Variants in L3MBTL4 observed in about 807,000 individuals in gnomAD.
L3MBTL4 encodes the protein lethal(3)malignant brain tumor-like protein 4.
A neutral mutation model predicts 84.5 loss-of-function variants in L3MBTL4; 70 were observed. That is an observed-to-expected ratio of 0.83 (90% CI 0.68 to 1.01). L3MBTL4 has a LOEUF of 1.01. Among genes scored for constraint, L3MBTL4 ranks in the 50% least tolerant of loss-of-function variants. L3MBTL4 has a pLI of 0.00. For missense variants in L3MBTL4, 715 were observed against 754.8 expected (o/e 0.95, Z 0.62); for synonymous variants, 274 against 259.8 (o/e 1.05, Z -0.52).
At chr18:6,398,604 T>C (rs2055374921) in intron 1 of L3MBTL4, among the ~76,000 whole-genome samples, 2 of 152,162 alleles carry the variant, frequency 1.3e-5, no homozygotes, top group Admixed American at 1.3e-4. Flanking sequence ...CTTCTTGTTT[T>C]GGTAAAGCAT....
chr18:6,042,448 A>G (rs2056447016), intron 16 of L3MBTL4, among the ~76,000 whole-genome samples: 1 of 152,036 alleles, frequency 6.6e-6, no homozygotes, highest in South Asian at 2.1e-4. Flanking sequence ...TGAACTTCTC[A>G]GCCACTTCCA....
intron 1 of L3MBTL4, among the ~76,000 whole-genome samples, chr18:6,339,816 C>T (rs1223785338): frequency 2.0e-5 from 3 of 152,026 alleles, no homozygotes; most frequent in East Asian, 3.9e-4. Context: ...CAACTTCTCA[C>T]TAATCTGAAA....
chr18:5,970,152 C>T (rs1368058846), intron 16 of L3MBTL4, among the ~76,000 whole-genome samples: 1 of 152,228 alleles, frequency 6.6e-6, no homozygotes, highest in African/African-American at 2.4e-5. Flanking sequence ...CGCACCATGA[C>T]CTCACCTGGG....
At chr18:6,121,008 G>C (rs965647969) in intron 14 of L3MBTL4, among the ~76,000 whole-genome samples, 1 of 152,064 alleles carries the variant, frequency 6.6e-6, no homozygotes, top group African/African-American at 2.4e-5. Context: ...ATTTCTTGAA[G>C]TTATTTTTGG....
At chr18:6,274,361 C>A (rs1316304895) in intron 4 of L3MBTL4, among the ~76,000 whole-genome samples, 1 of 152,172 alleles carries the variant, frequency 6.6e-6, no homozygotes, top group African/African-American at 2.4e-5. Context: ...CTATGAGGGC[C>A]AGTTTCCAGT....
At chr18:6,063,297 ATC>A (rs1234966175) in intron 16 of L3MBTL4, among the ~76,000 whole-genome samples, 1 of 117,646 alleles carries the variant, frequency 8.5e-6, no homozygotes, top group Non-Finnish European at 1.7e-5. Flanking sequence ...TACTATAAAT[ATC>A]TGTGTGTGTG....
intron 17 of L3MBTL4, among the ~76,000 whole-genome samples, chr18:5,962,942 T>C (rs1367358308): frequency 6.6e-6 from 1 of 152,132 alleles, no homozygotes; most frequent in African/African-American, 2.4e-5. Flanking sequence ...AGTAGGAAAG[T>C]CCCCTTCTGA....
At chr18:6,011,907 A>G (rs2054756317) in intron 16 of L3MBTL4, among the ~76,000 whole-genome samples, 1 of 152,264 alleles carries the variant, frequency 6.6e-6, no homozygotes, top group South Asian at 2.1e-4. Flanking sequence ...AGGAAAAGTC[A>G]TCACTGTTTA....
At chr18:6,040,337 G>A (rs574598743) in intron 16 of L3MBTL4, among the ~76,000 whole-genome samples, 2 of 152,302 alleles carry the variant, frequency 1.3e-5, no homozygotes, top group Admixed American at 1.3e-4. Context: ...GTCACATCTT[G>A]GGGTGGGAGG....
chr18:6,184,847 G>A (rs940088349), intron 12 of L3MBTL4, among the ~76,000 whole-genome samples: 5 of 152,182 alleles, frequency 3.3e-5, no homozygotes, highest in Non-Finnish European at 5.9e-5. Flanking sequence ...CATGTTTAGA[G>A]TCTCAAGGAT....
At chr18:6,270,076 T>C (rs1041810067) in intron 4 of L3MBTL4, among the ~76,000 whole-genome samples, 1 of 152,220 alleles carries the variant, frequency 6.6e-6, no homozygotes, top group Non-Finnish European at 1.5e-5. Context: ...TGCCTTAGAA[T>C]ATGTGAGAAA....
Position 6,272,858 on chromosome 18 carries a change from T to C in L3MBTL4, c.128-8820A>G, listed in dbSNP as rs879848530. Among the ~76,000 whole-genome samples, 26 of 109,320 alleles carry C rather than the reference T, an allele frequency of 2.4e-4. No individual in the cohort carries two copies. The South Asian group carries it at 3.2e-3, about 13-fold the overall frequency. The allele number at this position is 109,320 out of a possible 152,430, so 71.7% of individuals were successfully genotyped here. A position where few individuals can be genotyped will look rare whatever the true frequency, so the allele number is the denominator to read the frequency against. The stretch of plus-strand genomic sequence containing the variant: ...CTACAGAGTGGTGCCTTCAGGAGCA[T>C]GGGGAAAGGGGGAGTTGTGCAGATT... On this transcript the variant is annotated intron_variant, in intron 4 of 18. Transcript: ENST00000317931.
At chr18:6,114,943 C>A (rs781588573) in intron 14 of L3MBTL4, among the ~76,000 whole-genome samples, 16 of 152,060 alleles carry the variant, frequency 1.1e-4, no homozygotes, top group African/African-American at 3.9e-4. Context: ...GGTCACACAG[C>A]GGAGAGGAGA....
chr18:6,327,899 C>A (rs1348631002), intron 1 of L3MBTL4, among the ~76,000 whole-genome samples: 1 of 152,194 alleles, frequency 6.6e-6, no homozygotes, highest in African/African-American at 2.4e-5. Context: ...CCCTGAATAT[C>A]ATCATCAAGT....
At chr18:6,268,787 A>C (rs2048742102) in intron 4 of L3MBTL4, among the ~76,000 whole-genome samples, 11 of 152,244 alleles carry the variant, frequency 7.2e-5, no homozygotes, top group Admixed American at 7.2e-4. Context: ...TAATATATAC[A>C]TATGTATACC....
At chr18:6,283,223 T>A (rs1185851384) in intron 4 of L3MBTL4, among the ~76,000 whole-genome samples, 1 of 152,222 alleles carries the variant, frequency 6.6e-6, no homozygotes, top group Non-Finnish European at 1.5e-5. Context: ...TTTCCCATGC[T>A]CTTCACTTTC....
intron 12 of L3MBTL4, among the ~76,000 whole-genome samples, chr18:6,177,049 AT>A (rs2044255271): frequency 6.6e-6 from 1 of 152,226 alleles, no homozygotes; most frequent in Non-Finnish European, 1.5e-5. Flanking sequence ...GGGGTGTAAA[AT>A]TGCACAACCA....
In L3MBTL4 at chr18:6,254,160, C is replaced by T. The variant is rs77030819; in HGVS notation, c.220-9572G>A. Among the ~76,000 whole-genome samples, 3 of 152,164 alleles carry T rather than the reference C, an allele frequency of 2.0e-5. No individual in the cohort carries two copies. The East Asian group carries it at 5.8e-4, about 29-fold the overall frequency. On this transcript the variant is annotated intron_variant, in intron 5 of 18. Transcript: ENST00000317931. ...AGGATATTATTATTCCCTAAGGATACCCTAATTCCCTGAGGATATTATCAA... is the reference window on the plus strand; with the variant it reads ...AGGATATTATTATTCCCTAAGGATATCCTAATTCCCTGAGGATATTATCAA...
intron 1 of L3MBTL4, among the ~76,000 whole-genome samples, chr18:6,364,667 T>C (rs1022811135): frequency 6.6e-6 from 1 of 152,104 alleles, no homozygotes; most frequent in Non-Finnish European, 1.5e-5. Flanking sequence ...TAACACAAAT[T>C]TACACATAAG....
Sources: gnomAD v4.1 joint callset for allele counts (sites outside exome capture counted in the v4.1 genomes callset) on GRCh38, gnomAD v4.1.1 for gene constraint, MANE v1.5 for transcripts, NCBI Gene and HGNC (gene_info 2026-07-23, HGNC 2026-07-21) for gene names.